The following NRG3 variants were observed in gnomAD, a reference collection of about 807,000 sequenced individuals.
NRG3 encodes the protein pro-neuregulin-3, membrane-bound isoform.
A neutral mutation model predicts 66.9 loss-of-function variants in NRG3; 31 were observed. The observed-to-expected ratio is 0.46, with a 90% CI of 0.35 to 0.63. The LOEUF is 0.63. Among genes scored for constraint, NRG3 ranks in the 20% least tolerant of loss-of-function variants. NRG3 has a pLI of 0.00. For synonymous variants in NRG3, 393 were observed against 359.4 expected (o/e 1.09, Z -1.06); for missense variants, 910 against 878.9 (o/e 1.04, Z -0.45).
chr10:82,979,395 A>G (rs1271495809), intron 8 of NRG3, among the ~76,000 whole-genome samples: 1 of 152,234 alleles, frequency 6.6e-6, no homozygotes, highest in African/African-American at 2.4e-5. Flanking sequence ...TCATTTGCTA[A>G]TACAACTGGA....
chr10:82,184,246 G>T (rs2073643984), intron 1 of NRG3, among the ~76,000 whole-genome samples: 1 of 152,126 alleles, frequency 6.6e-6, no homozygotes, highest in Admixed American at 6.6e-5. Flanking sequence ...TGATAAAACT[G>T]CTGGCTGCTT....
chr10:82,621,404 C>G (rs904859252), intron 2 of NRG3, among the ~76,000 whole-genome samples: 5 of 152,174 alleles, frequency 3.3e-5, no homozygotes, highest in African/African-American at 1.2e-4. Context: ...CACAATTTCT[C>G]TTAGCTGCAG....
chr10:82,860,211 A>T (rs1591754541), intron 3 of NRG3, among the ~76,000 whole-genome samples: 1 of 152,196 alleles, frequency 6.6e-6, no homozygotes, highest in East Asian at 1.9e-4. Flanking sequence ...GAGACAGATA[A>T]CAGTTGTCTT....
intron 4 of NRG3, among the ~76,000 whole-genome samples, chr10:82,939,103 A>G (rs1029733171): frequency 6.6e-6 from 1 of 152,184 alleles, no homozygotes; most frequent in Non-Finnish European, 1.5e-5. Flanking sequence ...TATTAGACAT[A>G]TTAATGAGAA....
At chr10:82,617,840 A>G (rs1374577021) in intron 2 of NRG3, among the ~76,000 whole-genome samples, 1 of 151,938 alleles carries the variant, frequency 6.6e-6, no homozygotes, top group Non-Finnish European at 1.5e-5. Context: ...GCAGCTGTCT[A>G]CTCCGGCAAA....
intron 2 of NRG3, among the ~76,000 whole-genome samples, chr10:82,727,419 A>G (rs938534625): frequency 6.6e-5 from 10 of 152,236 alleles, no homozygotes; most frequent in Admixed American, 1.3e-4. Flanking sequence ...TGCTCCAGCC[A>G]TGACTAAAAG....
intron 2 of NRG3, among the ~76,000 whole-genome samples, chr10:82,386,313 T>C (rs950518841): frequency 6.6e-6 from 1 of 152,170 alleles, no homozygotes; most frequent in Non-Finnish European, 1.5e-5. Flanking sequence ...TTATTAAAAG[T>C]CTTTTTTATG....
At chr10:82,017,205 A>C (rs924825968) in intron 1 of NRG3, among the ~76,000 whole-genome samples, 2 of 151,960 alleles carry the variant, frequency 1.3e-5, no homozygotes, top group Non-Finnish European at 2.9e-5. Flanking sequence ...TGTCCTTGGG[A>C]TAGTTTGCTG....
At chr10:82,777,251 G>C (rs2059945145) in intron 3 of NRG3, among the ~76,000 whole-genome samples, 1 of 152,094 alleles carries the variant, frequency 6.6e-6, no homozygotes, top group African/African-American at 2.4e-5. Context: ...CAGCGTAGTG[G>C]CAGGGTAAGT....
In NRG3 at chr10:82,170,680, A is replaced by ATATATG. The variant is rs1564629000; in HGVS notation, c.824-188054_824-188053insGTATAT. ...TATATATATATATATATATATATATATATATATATATATATATGTAAATAT... is the reference window on the plus strand; with the variant it reads ...TATATATATATATATATATATATATATATATGTATATATATATATATATGTAAATAT... On this transcript the variant is annotated intron_variant, in intron 1 of 8. Transcript: ENST00000372141. Among the ~76,000 whole-genome samples, 10 of 137,444 alleles carry ATATATG rather than the reference A, an allele frequency of 7.3e-5. 1 individual carries two copies. The highest frequency in any genetic ancestry group is 1.6e-4 in the Non-Finnish European group (10 of 63,648). 90.2% of individuals were successfully genotyped at this position (137,444 alleles called of 152,430 possible). A position where few individuals can be genotyped will look rare whatever the true frequency, so the allele number is the denominator to read the frequency against.
chr10:81,980,286 A>G (rs945292371), intron 1 of NRG3, among the ~76,000 whole-genome samples: 1 of 152,086 alleles, frequency 6.6e-6, no homozygotes, highest in African/African-American at 2.4e-5. Context: ...TATTCTGCCA[A>G]TTATTACATG....
chr10:82,012,844 A>G (rs11192164), intron 1 of NRG3, among the ~76,000 whole-genome samples: 21,204 of 152,218 alleles, frequency 0.14, 1,828 homozygotes, highest in East Asian at 0.27. Flanking sequence ...GACCACCTCA[A>G]CTTAAGCTTC....
At chr10:82,241,892 A>T (rs747415923) in intron 1 of NRG3, among the ~76,000 whole-genome samples, 4 of 152,152 alleles carry the variant, frequency 2.6e-5, no homozygotes, top group Non-Finnish European at 4.4e-5. Context: ...CCTGGAGTGG[A>T]CTGGAAGGAT....
intron 4 of NRG3, among the ~76,000 whole-genome samples, chr10:82,947,526 C>A (rs1366512987): frequency 6.6e-6 from 1 of 152,018 alleles, no homozygotes; most frequent in Non-Finnish European, 1.5e-5. Flanking sequence ...TTGGAAATGG[C>A]TATATAATTT....
At chr10:82,659,656 A>C (rs1368350355) in intron 2 of NRG3, among the ~76,000 whole-genome samples, 2 of 152,180 alleles carry the variant, frequency 1.3e-5, no homozygotes, top group South Asian at 4.1e-4. Flanking sequence ...CGTCTCCAGC[A>C]AAACAAAGCA....
At chr10:82,367,962 C>G (rs1320978622) in intron 2 of NRG3, among the ~76,000 whole-genome samples, 1 of 152,084 alleles carries the variant, frequency 6.6e-6, no homozygotes, top group Non-Finnish European at 1.5e-5. Context: ...GAGATCATAC[C>G]ACTGCACTCC....
chr10:82,919,511 A>G (rs1191521288), intron 4 of NRG3, among the ~76,000 whole-genome samples: 1 of 152,214 alleles, frequency 6.6e-6, no homozygotes, highest in African/African-American at 2.4e-5. Flanking sequence ...ATCTTCCACT[A>G]TGCATGAATA....
chr10:82,019,005 T>C (rs1337279209), intron 1 of NRG3, among the ~76,000 whole-genome samples: 3 of 152,190 alleles, frequency 2.0e-5, no homozygotes, highest in Non-Finnish European at 4.4e-5. Context: ...GGCATCCCTG[T>C]CTTGTGCCAG....
chr10:82,753,467 G>C (rs2134969905), intron 3 of NRG3, among the ~76,000 whole-genome samples: 1 of 152,046 alleles, frequency 6.6e-6, no homozygotes, highest in South Asian at 2.1e-4. Context: ...GATTATGATA[G>C]TTCAGGCACA....
Sources: gnomAD v4.1 joint callset for allele counts (sites outside exome capture counted in the v4.1 genomes callset) on GRCh38, gnomAD v4.1.1 for gene constraint, MANE v1.5 for transcripts, NCBI Gene and HGNC (gene_info 2026-07-23, HGNC 2026-07-21) for gene names.